Variants in CNBD1 observed in about 807,000 individuals in gnomAD.
CNBD1 encodes the protein cyclic nucleotide binding domain containing 1, also known as cyclic nucleotide-binding domain-containing protein 1.
In CNBD1, 71 loss-of-function variants were observed where a neutral mutation model predicts 54.4. The observed-to-expected ratio is 1.30, with a 90% CI of 1.08 to 1.59. The LOEUF (loss-of-function observed/expected upper bound fraction) is 1.59. Ranked by LOEUF, CNBD1 falls within the 40% of genes most tolerant of loss-of-function variation. CNBD1 has a pLI of 0.00. For synonymous variants in CNBD1, 182 were observed against 170.7 expected (o/e 1.07, Z -0.51); for missense variants, 659 against 518.0 (o/e 1.27, Z -2.64).
intron 8 of CNBD1, among the ~76,000 whole-genome samples, chr8:87,289,169 G>A (rs1363312816): frequency 4.6e-5 from 7 of 152,104 alleles, no homozygotes; most frequent in Admixed American, 3.9e-4. Flanking sequence ...TTTTAAGAAT[G>A]TACAGTGGAT....
chr8:87,100,354 A>G (rs974612306), intron 4 of CNBD1, among the ~76,000 whole-genome samples: 10 of 152,204 alleles, frequency 6.6e-5, no homozygotes, highest in Non-Finnish European at 1.5e-5. Context: ...ACAGGCAAAA[A>G]CTAAAGAGCA....
intron 10 of CNBD1, among the ~76,000 whole-genome samples, chr8:87,382,228 A>G (rs1405778341): frequency 6.6e-6 from 1 of 152,002 alleles, no homozygotes; most frequent in African/African-American, 2.4e-5. Flanking sequence ...ATTCTAGCTA[A>G]CTGGTTAGAT....
intron 4 of CNBD1, among the ~76,000 whole-genome samples, chr8:86,956,735 A>G (rs111875028): frequency 1.5e-4 from 23 of 152,298 alleles, no homozygotes; most frequent in African/African-American, 5.1e-4. Flanking sequence ...TTGGGCTGAG[A>G]TGATGGGTTT....
chr8:87,260,696 C>A (rs986688795), intron 6 of CNBD1, among the ~76,000 whole-genome samples: 1 of 152,006 alleles, frequency 6.6e-6, no homozygotes, highest in East Asian at 1.9e-4. Flanking sequence ...CTCACCATAC[C>A]ATAGCCATGG....
chr8:86,992,399 C>G (rs1293372423), intron 4 of CNBD1, among the ~76,000 whole-genome samples: 1 of 152,050 alleles, frequency 6.6e-6, no homozygotes, highest in Non-Finnish European at 1.5e-5. Flanking sequence ...AGATAGCAGA[C>G]AGTTGGGTCT....
chr8:87,416,462 A>G lies in CNBD1; in HGVS notation c.214-12084A>G, dbSNP rs186566707. 3.2e-3 allele frequency among the ~76,000 whole-genome samples: 484 copies of G among 152,118 alleles called. 2 individuals are homozygous for G. The highest frequency in any genetic ancestry group is 0.011 in the African/African-American group (452 of 41,524). ...AGCTTGTCCTATAGCCACATTCCCT[A>G]TCCAGCTCTGGGGAAGCCTTGAAAA... On this transcript the variant is annotated intron_variant, in intron 2 of 7. Coordinates refer to the CNBD1 transcript ENST00000521593.
chr8:86,898,147 A>G (rs1808876146), intron 2 of CNBD1, among the ~76,000 whole-genome samples: 1 of 152,210 alleles, frequency 6.6e-6, no homozygotes, highest in South Asian at 2.1e-4. Context: ...TCTTTTGTAT[A>G]CAAAGACCAC....
At chr8:87,351,873 C>T (rs1241717203) in intron 9 of CNBD1, 79 bp downstream of exon 9, 53 of 1,243,400 alleles carry the variant, frequency 4.3e-5, no homozygotes, top group Non-Finnish European at 5.0e-5. Flanking sequence ...CATGTACTTA[C>T]TAGACATTTA....
At chr8:86,973,025 G>A (rs765221047) in intron 4 of CNBD1, among the ~76,000 whole-genome samples, 3 of 152,092 alleles carry the variant, frequency 2.0e-5, no homozygotes, top group Non-Finnish European at 2.9e-5. Context: ...ATCCACTTAA[G>A]TGTCCCTTCT....
At chr8:87,105,019 C>T (rs1811504919) in intron 4 of CNBD1, among the ~76,000 whole-genome samples, 1 of 152,068 alleles carries the variant, frequency 6.6e-6, no homozygotes, top group South Asian at 2.1e-4. Flanking sequence ...AGAGGTACAG[C>T]AGGTGAAAGT....
intron 3 of CNBD1, among the ~76,000 whole-genome samples, chr8:86,925,897 G>C (rs1289057118): frequency 6.6e-6 from 1 of 152,110 alleles, no homozygotes; most frequent in African/African-American, 2.4e-5. Flanking sequence ...GGAACCCAAA[G>C]AGGGAGTGGT....
At chr8:87,394,225 A>T (rs1811368949) in intron 2 of CNBD1, among the ~76,000 whole-genome samples, 1 of 152,004 alleles carries the variant, frequency 6.6e-6, no homozygotes, top group Non-Finnish European at 1.5e-5. Flanking sequence ...GTGAAATAAA[A>T]TAAGAAGACT....
chr8:87,405,583 T>A (rs1042070293), intron 2 of CNBD1, among the ~76,000 whole-genome samples: 1 of 152,096 alleles, frequency 6.6e-6, no homozygotes, highest in African/African-American at 2.4e-5. Flanking sequence ...AATCTTTGAT[T>A]TTTTGAAGTA....
intron 10 of CNBD1, among the ~76,000 whole-genome samples, chr8:87,354,820 G>A (rs1284538148): frequency 6.6e-6 from 1 of 152,160 alleles, no homozygotes; most frequent in South Asian, 2.1e-4. Context: ...TGGACATTTG[G>A]GTTGGTTCCA....
rs556814668 is a variant in CNBD1, at chr8:87,173,539, T to C, written c.432-32454T>C. Among the ~76,000 whole-genome samples, 13 of 152,344 alleles carry C rather than the reference T, an allele frequency of 8.5e-5. No individual in the cohort carries two copies. In the South Asian group the frequency reaches 2.7e-3, roughly 32 times the overall value. ...TTATTTCTCTGTCATGTTTGAAGGA[T>C]ATTTTCACTGAATATACTATTCTAG... On this transcript the variant is annotated intron_variant, in intron 4 of 10. Transcript: ENST00000518476.
intron 8 of CNBD1, among the ~76,000 whole-genome samples, chr8:87,329,186 G>A (rs866301297): frequency 4.6e-5 from 7 of 152,106 alleles, no homozygotes; most frequent in Non-Finnish European, 1.0e-4. Flanking sequence ...ACTACCTACT[G>A]TACTGCCTTT....
chr8:86,872,612 A>G (rs1450317134), intron 1 of CNBD1, among the ~76,000 whole-genome samples: 1 of 152,170 alleles, frequency 6.6e-6, no homozygotes, highest in African/African-American at 2.4e-5. Context: ...GATTTTTGAT[A>G]GTAGCCATGT....
intron 4 of CNBD1, among the ~76,000 whole-genome samples, chr8:87,132,217 T>C (rs1812131369): frequency 6.6e-6 from 1 of 151,858 alleles, no homozygotes; most frequent in Admixed American, 6.6e-5. Flanking sequence ...ACTAACAATA[T>C]ATAATACATA....
intron 4 of CNBD1, among the ~76,000 whole-genome samples, chr8:87,109,685 C>T (rs1268962256): frequency 1.3e-5 from 2 of 151,548 alleles, no homozygotes; most frequent in Non-Finnish European, 2.9e-5. Flanking sequence ...ACTACAGGCG[C>T]CCGCCACCAC....
Sources: gnomAD v4.1 joint callset for allele counts (sites outside exome capture counted in the v4.1 genomes callset) on GRCh38, gnomAD v4.1.1 for gene constraint, MANE v1.5 for transcripts, NCBI Gene and HGNC (gene_info 2026-07-23, HGNC 2026-07-21) for gene names.